LRRIQ1: variants seen among roughly 807,000 people sequenced by gnomAD.
LRRIQ1 encodes leucine-rich repeat- and IQ domain-containing protein 1.
A neutral mutation model predicts 211.9 loss-of-function variants in LRRIQ1; 210 were observed. That is an observed-to-expected ratio of 0.99 (90% CI 0.89 to 1.11). LRRIQ1 has a LOEUF of 1.11. Among genes scored for constraint, LRRIQ1 ranks in the 50% most tolerant of loss-of-function variants. The probability of loss-of-function intolerance (pLI) is 0.00; values close to 1 mark genes in which losing one functional copy is unlikely to be tolerated. For synonymous variants in LRRIQ1, 699 were observed against 650.1 expected, an observed-to-expected ratio of 1.08 and a Z score of -1.14; for missense variants, 2,136 against 1,939.5, an observed-to-expected ratio of 1.10 and a Z score of -1.90.
intron 24 of LRRIQ1, among the ~76,000 whole-genome samples, chr12:85,213,031 A>G (rs555015703): frequency 3.8e-4 from 58 of 151,870 alleles, no homozygotes; most frequent in African/African-American, 1.0e-3. Context: ...CTTGAATTAC[A>G]TATAAATGAT....
At chr12:85,073,195 T>G (rs970364208) in intron 11 of LRRIQ1, 97 bp downstream of exon 11, 21 of 736,600 alleles carry the variant, frequency 2.9e-5, no homozygotes, top group Non-Finnish European at 4.2e-5. Flanking sequence ...ATCTCCTTTA[T>G]TTTTTTAAAT....
chr12:85,171,426 A>G (rs1382824016), intron 24 of LRRIQ1, among the ~76,000 whole-genome samples: 1 of 152,216 alleles, frequency 6.6e-6, no homozygotes, highest in East Asian at 1.9e-4. Context: ...CATAAAGAAA[A>G]TATATACAAT....
intron 11 of LRRIQ1, among the ~76,000 whole-genome samples, chr12:85,079,161 A>C (rs1363661558): frequency 2.6e-5 from 4 of 152,060 alleles, no homozygotes; most frequent in Middle Eastern, 3.2e-3. Flanking sequence ...CTGACTTTAC[A>C]GAATCTTTAA....
At chr12:85,096,900 T>C (rs1471476452) in intron 11 of LRRIQ1, among the ~76,000 whole-genome samples, 3 of 152,194 alleles carry the variant, frequency 2.0e-5, no homozygotes, top group Non-Finnish European at 4.4e-5. Context: ...AAACCGTTTA[T>C]CATTATGCAA....
chr12:85,227,034 G>T (rs538676719), intron 24 of LRRIQ1, among the ~76,000 whole-genome samples: 2 of 151,456 alleles, frequency 1.3e-5, no homozygotes, highest in African/African-American at 2.4e-5. Context: ...AATCCTTTGG[G>T]TATATGCCCA....
Position 85,129,674 on chromosome 12 carries a change from A to G in LRRIQ1, c.4209+1641A>G, listed in dbSNP as rs1007060617. The stretch of plus-strand genomic sequence containing the variant: ...TTCTAAGGCCATGATTTAGTAGCCT[A>G]CTCACAGTGTTTAGGAATTAGCAAG... On this transcript the variant is annotated intron_variant, in intron 18 of 26. Coordinates refer to ENST00000393217, the MANE Select transcript of LRRIQ1 (RefSeq NM_001079910.2). 2.0e-5 allele frequency among the ~76,000 whole-genome samples: 3 copies of G among 152,178 alleles called. 1 individual carries two copies. The highest frequency in any genetic ancestry group is 7.2e-5 in the African/African-American group (3 of 41,448).
chr12:85,043,662 A>G (rs201301161), intron 3 of LRRIQ1, among the ~76,000 whole-genome samples: 90,500 of 151,850 alleles, frequency 0.6, 29,259 homozygotes, highest in African/African-American at 0.86. Context: ...TAGTAGATAG[A>G]GACTATCTAC....
chr12:85,194,974 A>T (rs1460738748), intron 24 of LRRIQ1, among the ~76,000 whole-genome samples: 7 of 152,178 alleles, frequency 4.6e-5, no homozygotes, highest in African/African-American at 1.2e-4. Flanking sequence ...AGATGCAATA[A>T]AAAATGATAA....
At chr12:85,119,300 T>C (rs1344715346) in intron 15 of LRRIQ1, among the ~76,000 whole-genome samples, 11 of 152,154 alleles carry the variant, frequency 7.2e-5, no homozygotes, top group Admixed American at 7.2e-4. Context: ...CTTAATAATA[T>C]GCACTTAACT....
chr12:85,197,991 A>G (rs1893050965), intron 24 of LRRIQ1, among the ~76,000 whole-genome samples: 1 of 60,060 alleles, frequency 1.7e-5, no homozygotes, highest in South Asian at 4.5e-4. Context: ...TATATTATAT[A>G]TTATATATAA....
At chr12:85,093,722 A>T (rs1201777309) in intron 11 of LRRIQ1, among the ~76,000 whole-genome samples, 1 of 152,238 alleles carries the variant, frequency 6.6e-6, no homozygotes, top group African/African-American at 2.4e-5. Context: ...GTCGGCAGAT[A>T]AAGTGACTGC....
At chr12:85,066,944 T>C (rs1268935714) in intron 10 of LRRIQ1, 46 bp downstream of exon 10, 2 of 1,072,212 alleles carry the variant, frequency 1.9e-6, no homozygotes, top group African/African-American at 3.3e-5. Flanking sequence ...TTTCTCATAA[T>C]TTATTGTGTT....
At chr12:85,117,714 C>A (rs1887684056) in intron 15 of LRRIQ1, among the ~76,000 whole-genome samples, 1 of 152,108 alleles carries the variant, frequency 6.6e-6, no homozygotes, top group Non-Finnish European at 1.5e-5. Context: ...GAAAAAGGTC[C>A]AGCAACAGAA....
At chr12:85,125,227 T>A (rs1249894321) in intron 17 of LRRIQ1, among the ~76,000 whole-genome samples, 1 of 152,080 alleles carries the variant, frequency 6.6e-6, no homozygotes, top group Non-Finnish European at 1.5e-5. Context: ...CCTTTGCACA[T>A]GCCATTTATT....
intron 2 of LRRIQ1, among the ~76,000 whole-genome samples, chr12:85,039,890 T>C (rs1431482912): frequency 6.6e-6 from 1 of 151,694 alleles, no homozygotes; most frequent in African/African-American, 2.4e-5. Flanking sequence ...ATTTGCATTA[T>C]ATTTTCTAAC....
chr12:85,202,114 C>A (rs1347779325), intron 24 of LRRIQ1, among the ~76,000 whole-genome samples: 1 of 151,992 alleles, frequency 6.6e-6, no homozygotes, highest in South Asian at 2.1e-4. Context: ...GTATTGATTT[C>A]TATTTTTATT....
At chr12:85,080,891 A>T (rs1884212299) in intron 11 of LRRIQ1, among the ~76,000 whole-genome samples, 1 of 151,844 alleles carries the variant, frequency 6.6e-6, no homozygotes, top group African/African-American at 2.4e-5. Context: ...ATTATTTGGC[A>T]GACAGAGAAT....
intron 11 of LRRIQ1, among the ~76,000 whole-genome samples, chr12:85,080,843 T>C (rs1490351341): frequency 6.6e-6 from 1 of 152,014 alleles, no homozygotes; most frequent in Non-Finnish European, 1.5e-5. Flanking sequence ...TTTTTCTTTA[T>C]TTTTGGTCAC....
At chr12:85,257,259 A>C (rs1363599069) in intron 1 of LRRIQ1, among the ~76,000 whole-genome samples, 3 of 139,040 alleles carry the variant, frequency 2.2e-5, no homozygotes, top group East Asian at 2.0e-4. Flanking sequence ...TCCATAAAAA[A>C]AGATGCTCTC....
Sources: allele counts gnomAD v4.1 joint callset (sites outside exome capture counted in the v4.1 genomes callset), GRCh38; gene constraint gnomAD v4.1.1; transcripts MANE v1.5; gene names NCBI Gene and HGNC (gene_info 2026-07-23, HGNC 2026-07-21).